Variants in ATP13A4 observed in about 807,000 individuals in gnomAD.
ATP13A4 encodes probable cation-transporting ATPase 13A4.
A neutral mutation model predicts 142.5 loss-of-function variants in ATP13A4; 114 were observed. That is an observed-to-expected ratio of 0.80 (90% confidence interval 0.69 to 0.93). The LOEUF (loss-of-function observed/expected upper bound fraction) is 0.93. Among genes scored for constraint, ATP13A4 ranks in the 40% least tolerant of loss-of-function variants. The pLI, the probability that ATP13A4 is intolerant of heterozygous loss-of-function variation, is 0.00. For synonymous variants in ATP13A4, 488 were observed against 514.8 expected (o/e 0.95, Z 0.70); for missense variants, 1,392 against 1,454.0 (o/e 0.96, Z 0.69).
intron 28 of ATP13A4, among the ~76,000 whole-genome samples, chr3:193,409,598 G>T (rs1442080141): frequency 6.6e-6 from 1 of 152,160 alleles, no homozygotes; most frequent in African/African-American, 2.4e-5. Context: ...AGACCAGTGG[G>T]CAAAGCCTAC....
In ATP13A4 at chr3:193,419,719, C is replaced by A. The variant is rs1048942260; in HGVS notation, c.2843-4969G>T. Among the ~76,000 whole-genome samples the A allele has an allele frequency of 2.7e-5, 4 of 150,180 alleles. 1 individual carries two copies. The East Asian group carries it at 8.3e-4, about 31-fold the overall frequency. ...TGGCTGAGCAGAGACATCCCTTCCC[C>A]CAACAGGAAAAATAGCTCTAGTTCC... On this transcript the variant is annotated intron_variant, in intron 25 of 29. Transcript: ENST00000342695.
At chr3:193,542,971 C>A (rs1435520943) in intron 1 of ATP13A4, among the ~76,000 whole-genome samples, 2 of 152,150 alleles carry the variant, frequency 1.3e-5, no homozygotes, top group African/African-American at 4.8e-5. Context: ...CGAGACCATC[C>A]TGGCTAACAT....
intron 25 of ATP13A4, among the ~76,000 whole-genome samples, chr3:193,420,672 T>C (rs1248882119): frequency 6.7e-6 from 1 of 149,360 alleles, no homozygotes; most frequent in African/African-American, 2.5e-5. Context: ...GAGAAGAGTT[T>C]AAAGAATTTA....
chr3:193,529,193 C>T (rs1722178927), intron 1 of ATP13A4, among the ~76,000 whole-genome samples: 1 of 151,854 alleles, frequency 6.6e-6, no homozygotes, highest in South Asian at 2.1e-4. Context: ...TCGCTTGAAC[C>T]CAGGATGCGG....
chr3:193,510,373 A>G (rs533868050), intron 2 of ATP13A4, among the ~76,000 whole-genome samples: 5 of 152,292 alleles, frequency 3.3e-5, no homozygotes, highest in Admixed American at 2.0e-4. Flanking sequence ...TAATCATCAC[A>G]AAGTTCTCCT....
At chr3:193,541,015 C>T (rs925496337) in intron 1 of ATP13A4, among the ~76,000 whole-genome samples, 31 of 151,922 alleles carry the variant, frequency 2.0e-4, no homozygotes, top group Admixed American at 1.6e-3. Context: ...TTTGGGAGGC[C>T]GAGGCGGGCA....
intron 3 of ATP13A4, among the ~76,000 whole-genome samples, chr3:193,495,575 G>A (rs886073370): frequency 1.3e-5 from 2 of 151,784 alleles, no homozygotes; most frequent in African/African-American, 4.8e-5. Flanking sequence ...GATATAGAAG[G>A]AACACATCTC....
chr3:193,552,111 C>T (rs1723612926), intron 1 of ATP13A4, among the ~76,000 whole-genome samples: 1 of 152,104 alleles, frequency 6.6e-6, no homozygotes, highest in African/African-American at 2.4e-5. Context: ...GTAGCTGGGA[C>T]TACAGGTGCA....
chr3:193,575,752 T>C (rs1724378043), intron 2 of ATP13A4, among the ~76,000 whole-genome samples: 1 of 152,212 alleles, frequency 6.6e-6, no homozygotes, highest in Non-Finnish European at 1.5e-5. Context: ...AGATAACTTT[T>C]GTGACATTTT....
At chr3:193,475,419 C>A (rs1044931309) in intron 8 of ATP13A4, among the ~76,000 whole-genome samples, 1 of 151,784 alleles carries the variant, frequency 6.6e-6, no homozygotes, top group African/African-American at 2.4e-5. Context: ...GTTTGATATA[C>A]CTCTATTCAT....
intron 17 of ATP13A4, among the ~76,000 whole-genome samples, chr3:193,453,737 A>G (rs1336869062): frequency 6.6e-6 from 1 of 151,108 alleles, no homozygotes; most frequent in Non-Finnish European, 1.5e-5. Flanking sequence ...CAATCCACCA[A>G]CTATAATTTT....
intron 1 of ATP13A4, among the ~76,000 whole-genome samples, chr3:193,549,064 C>G (rs1723389910): frequency 6.6e-6 from 1 of 152,080 alleles, no homozygotes; most frequent in African/African-American, 2.4e-5. Flanking sequence ...GTTAAAAAGA[C>G]TGATAATTTT....
At chr3:193,509,724 G>A (rs947658212) in intron 2 of ATP13A4, among the ~76,000 whole-genome samples, 2 of 152,176 alleles carry the variant, frequency 1.3e-5, no homozygotes, top group African/African-American at 4.8e-5. Flanking sequence ...CTGAACTGGC[G>A]CAAAGAATGA....
chr3:193,412,532 CA>C (rs1400732155), intron 26 of ATP13A4, among the ~76,000 whole-genome samples, 161 bp from the exon 27 acceptor site: 4 of 151,610 alleles, frequency 2.6e-5, no homozygotes, highest in African/African-American at 7.3e-5. Context: ...CACACACACA[CA>C]CACACACACA....
chr3:193,447,449 G>A (rs1717021076), intron 18 of ATP13A4, among the ~76,000 whole-genome samples: 1 of 152,138 alleles, frequency 6.6e-6, no homozygotes, highest in Non-Finnish European at 1.5e-5. Flanking sequence ...GTGCTTTGAT[G>A]GGGAAATAAT....
intron 25 of ATP13A4, among the ~76,000 whole-genome samples, chr3:193,418,121 CAAAAAAAAAAAAAAAAAAAAAAAAA>C (rs558796010): frequency 1.1e-3 from 17 of 15,806 alleles, no homozygotes; most frequent in African/African-American, 3.3e-3. Context: ...GACTCCGTCT[CAAAAAAAAAAAAAAAAAAAAAAAAA>C]AAAAAAAAAA....
At position 193,467,382 on chromosome 3, in the gene ATP13A4, C is replaced by A; in HGVS notation, c.1048G>T (p.Gly350Ter). 1 of 1,614,102 alleles carries A rather than the reference C, an allele frequency of 6.2e-7. No homozygotes were observed. Among genetic ancestry groups the A allele is most frequent in the Non-Finnish European group, 8.5e-7 (1 of 1,180,022 alleles). ...GCCTTGGCCTGGATAACCTCTGTTC[C>A]ACAGAAGAGGACATGCCGCTTGTAA... ...ADYKRHVLFC[G>*]TEVIQAKAAC... Residue 350 changes from glycine to a stop codon, truncating the protein, a stop_gained, in exon 10 of 30, where the codon GGA (glycine) becomes TGA (stop). Transcript: ENST00000342695. LOFTEE classifies it high-confidence loss of function.
intron 1 of ATP13A4, among the ~76,000 whole-genome samples, chr3:193,549,248 A>G (rs1723401770): frequency 6.6e-6 from 1 of 152,104 alleles, no homozygotes; most frequent in South Asian, 2.1e-4. Context: ...CTTTACCTTA[A>G]GGAAATAATC....
intron 8 of ATP13A4, among the ~76,000 whole-genome samples, chr3:193,481,331 G>C (rs1719280622): frequency 6.6e-6 from 1 of 152,072 alleles, no homozygotes; most frequent in Admixed American, 6.6e-5. Flanking sequence ...TACATCACTA[G>C]AGCATGTTTT....
Sources: allele counts gnomAD v4.1 joint callset (sites outside exome capture counted in the v4.1 genomes callset), GRCh38; gene constraint gnomAD v4.1.1; transcripts MANE v1.5; gene names NCBI Gene and HGNC (gene_info 2026-07-23, HGNC 2026-07-21).